SPAG16: variants seen among roughly 807,000 people sequenced by gnomAD.
SPAG16 encodes the protein sperm-associated antigen 16 protein.
Under a neutral mutation model 80.4 loss-of-function variants are expected in SPAG16, and 86 were observed. That is an observed-to-expected ratio of 1.07 (90% confidence interval 0.90 to 1.28). The LOEUF is 1.28. SPAG16 is among the 50% of genes most tolerant of loss of function. The pLI, the probability that SPAG16 is intolerant of heterozygous loss-of-function variation, is 0.00. For missense variants in SPAG16, 870 were observed against 765.3 expected (o/e 1.14, Z -1.61); for synonymous variants, 294 against 265.9 (o/e 1.11, Z -1.03).
intron 10 of SPAG16, among the ~76,000 whole-genome samples, chr2:213,811,701 G>A (rs957501283): frequency 3.3e-5 from 5 of 152,102 alleles, no homozygotes; most frequent in African/African-American, 4.8e-5. Context: ...TCCCAGCTAC[G>A]GCATTCAGTC....
chr2:213,320,432 A>G (rs2063567956), intron 5 of SPAG16, among the ~76,000 whole-genome samples: 1 of 151,964 alleles, frequency 6.6e-6, no homozygotes. Context: ...AAATCTAACT[A>G]TTTTGAAATA....
At chr2:213,824,746 T>C (rs2073164986) in intron 10 of SPAG16, among the ~76,000 whole-genome samples, 1 of 152,116 alleles carries the variant, frequency 6.6e-6, no homozygotes, top group African/African-American at 2.4e-5. Flanking sequence ...TGCACATAAA[T>C]TTTAGAATTG....
intron 9 of SPAG16, chr2:213,396,487 G>A (rs1304797245): frequency 4.5e-6 from 1 of 220,198 alleles, no homozygotes; most frequent in African/African-American, 2.3e-5. Context: ...AAATAAGCTT[G>A]TTCCTTTGTT....
chr2:213,979,531 G>A (rs2106408583), intron 12 of SPAG16, among the ~76,000 whole-genome samples: 1 of 152,198 alleles, frequency 6.6e-6, no homozygotes, highest in East Asian at 1.9e-4. Context: ...TCTTCTCAGG[G>A]CAGCAGGATG....
intron 10 of SPAG16, among the ~76,000 whole-genome samples, chr2:213,604,677 G>T (rs1574464483): frequency 6.6e-6 from 1 of 151,736 alleles, no homozygotes; most frequent in Non-Finnish European, 1.5e-5. Context: ...ATTGTAAGCT[G>T]TTTTTTTCTC....
chr2:213,985,837 T>C (rs2045972718), intron 12 of SPAG16, among the ~76,000 whole-genome samples: 1 of 152,076 alleles, frequency 6.6e-6, no homozygotes, highest in Admixed American at 6.6e-5. Context: ...AGACCGGCCA[T>C]ATCTTCATGA....
intron 9 of SPAG16, among the ~76,000 whole-genome samples, chr2:213,487,656 C>T (rs1421641868): frequency 6.6e-6 from 1 of 152,022 alleles, no homozygotes; most frequent in South Asian, 2.1e-4. Flanking sequence ...TTTATTAGCT[C>T]TACTAAGTAG....
intron 10 of SPAG16, among the ~76,000 whole-genome samples, chr2:213,694,772 C>A (rs1266187639): frequency 7.7e-6 from 1 of 129,944 alleles, no homozygotes; most frequent in African/African-American, 2.5e-5. Context: ...TTCTCTTTTC[C>A]TTCTTTCCTT....
intron 10 of SPAG16, among the ~76,000 whole-genome samples, chr2:213,503,481 C>T (rs1395452575): frequency 1.3e-5 from 2 of 151,998 alleles, no homozygotes; most frequent in Non-Finnish European, 2.9e-5. Context: ...CACCACCCCT[C>T]ATGCCCTTCA....
intron 11 of SPAG16, among the ~76,000 whole-genome samples, chr2:213,927,981 G>T (rs755117384): frequency 6.6e-6 from 1 of 152,154 alleles, no homozygotes; most frequent in Non-Finnish European, 1.5e-5. Context: ...AAACATATGT[G>T]CAAACCAACT....
intron 10 of SPAG16, among the ~76,000 whole-genome samples, chr2:213,747,147 C>G (rs1233872217): frequency 6.6e-6 from 1 of 152,064 alleles, no homozygotes; most frequent in African/African-American, 2.4e-5. Flanking sequence ...GTGCTTGTGT[C>G]TTAGCTTTTA....
At position 214,372,948 on chromosome 2, in the gene SPAG16, T is replaced by C. The variant is rs372396402; in HGVS notation, c.1721-37192T>C. Among the ~76,000 whole-genome samples, 505 of 152,292 alleles carry C rather than the reference T, an allele frequency of 3.3e-3. 3 individuals carry two copies. The highest frequency in any genetic ancestry group is 0.011 in the African/African-American group (477 of 41,562). On this transcript the variant is annotated intron_variant, in intron 15 of 15. Transcript: ENST00000331683. ...ATATGTACCAGCAAATGGGGCTACC[T>C]GCATTTCCTGATGCTCTGCAATGAC...
intron 15 of SPAG16, among the ~76,000 whole-genome samples, chr2:214,227,367 G>A (rs1333462989): frequency 1.3e-5 from 2 of 151,968 alleles, no homozygotes; most frequent in Non-Finnish European, 2.9e-5. Flanking sequence ...ATCTGCTTTA[G>A]ACAAGAGAGA....
At chr2:213,291,774 T>G (rs1190099208) in intron 1 of SPAG16, among the ~76,000 whole-genome samples, 1 of 152,240 alleles carries the variant, frequency 6.6e-6, no homozygotes, top group African/African-American at 2.4e-5. Context: ...GGAATTTATC[T>G]TTGTCATTCA....
intron 10 of SPAG16, among the ~76,000 whole-genome samples, chr2:213,684,830 A>T (rs13407029): frequency 0.047 from 7,099 of 152,308 alleles, 227 homozygotes; most frequent in Non-Finnish European, 0.072. Context: ...TAAGCAAAAC[A>T]GACACATTAT....
chr2:214,003,505 A>G (rs1305357322), intron 12 of SPAG16, among the ~76,000 whole-genome samples: 2 of 152,192 alleles, frequency 1.3e-5, no homozygotes, highest in Admixed American at 1.3e-4. Context: ...TGTAATGTTG[A>G]GTGTTACTCA....
chr2:214,382,166 C>T (rs928317810), intron 15 of SPAG16, among the ~76,000 whole-genome samples: 1 of 152,180 alleles, frequency 6.6e-6, no homozygotes, highest in Non-Finnish European at 1.5e-5. Context: ...GGCTCACCCA[C>T]GTGAATGATG....
At chr2:213,455,596 G>A (rs2071952002) in intron 9 of SPAG16, among the ~76,000 whole-genome samples, 1 of 152,120 alleles carries the variant, frequency 6.6e-6, no homozygotes, top group Non-Finnish European at 1.5e-5. Context: ...CATGGATGAG[G>A]GCAGGGGTTT....
Position 214,062,616 on chromosome 2 carries a change from A to AT in SPAG16, c.1528-45578dup, listed in dbSNP as rs1559749483. On this transcript the variant is annotated intron_variant, in intron 13 of 15. Coordinates refer to ENST00000331683, the MANE Select transcript of SPAG16 (RefSeq NM_024532.5). ...CTCTTTCTCTCCAGTTCCACATCTA[A>AT]TTCATCACAATATCTTGTTGGCACC... is the stretch of plus-strand genomic sequence containing the variant. 4.0e-5 allele frequency among the ~76,000 whole-genome samples: 6 copies of AT among 149,632 alleles called. No homozygotes were observed. In the South Asian group the frequency reaches 1.3e-3, roughly 32 times the overall value.
Sources: gnomAD v4.1 joint callset for allele counts (sites outside exome capture counted in the v4.1 genomes callset) on GRCh38, gnomAD v4.1.1 for gene constraint, MANE v1.5 for transcripts, NCBI Gene and HGNC (gene_info 2026-07-23, HGNC 2026-07-21) for gene names.